KIF13A: variants seen among roughly 807,000 people sequenced by gnomAD.
KIF13A encodes kinesin family member 13A.
In KIF13A, 79 loss-of-function variants were observed where a neutral mutation model predicts 212.2. That is an observed-to-expected ratio of 0.37 (90% confidence interval 0.31 to 0.45). The LOEUF is 0.45. KIF13A is among the 20% of genes least tolerant of loss of function. KIF13A has a pLI of 1.00. For synonymous variants in KIF13A, 789 were observed against 808.6 expected (o/e 0.98, Z 0.41); for missense variants, 1,901 against 2,209.0 (o/e 0.86, Z 2.79).
Position 17,796,685 on chromosome 6 carries a change from T to C in KIF13A, c.2926A>G (p.Arg976Gly). The C allele has an allele frequency of 6.4e-7, 1 of 1,566,728 alleles. No individual in the cohort carries two copies. Among genetic ancestry groups the C allele is most frequent in the Non-Finnish European group, 8.7e-7 (1 of 1,154,494 alleles). ...WEVDSLHAKT[R>G]TLHDRWNEVT... Reference sequence around the variant, plus strand: ...AGTACAAACCTGTCATGCAGTGTTCTTGTCTTAGCATGAAGAGAATCGACC... The same window carrying C: ...AGTACAAACCTGTCATGCAGTGTTCCTGTCTTAGCATGAAGAGAATCGACC... The change falls in exon 23 of 39, where the codon AGA (arginine) becomes GGA (glycine). Residue 976 changes from arginine (R) to glycine (G), a missense_variant. Arg to Gly is a moderately radical substitution (Grantham distance 125, BLOSUM62 -2). Transcript: ENST00000259711.
rs1408343180 is a variant in KIF13A, at chr6:17,982,271, T to G, written c.146+4783A>C. ...CCACCACACTCGGCTAACTTTTGTATTTTTTTAGTGGAGACAGGGTTTCAC... is the reference window on the plus strand; with the variant it reads ...CCACCACACTCGGCTAACTTTTGTAGTTTTTTAGTGGAGACAGGGTTTCAC... On this transcript the variant is annotated intron_variant, in intron 2 of 38. Coordinates refer to ENST00000259711, the MANE Select transcript of KIF13A (RefSeq NM_022113.6). The surrounding 1 kb of genome is among the most constrained non-coding windows in gnomAD (Gnocchi z 5.1). The G allele has an allele frequency of 5.5e-6, 1 of 180,248 alleles. No individual in the cohort carries two copies. Among genetic ancestry groups the G allele is most frequent in the Non-Finnish European group, 1.1e-5 (1 of 94,566 alleles). 11.2% of individuals were successfully genotyped at this position (180,248 alleles called of 1,614,324 possible).
In KIF13A at chr6:17,794,237, T is replaced by C. The variant is rs1389520952; in HGVS notation, c.3222+12A>G. ...GCTTTGTTAAATACTATTTTAAGTC[T>C]GCTTGTCTTACCTGGTAACTGTCCA... On this transcript the variant is annotated intron_variant, in intron 25 of 38. Transcript: ENST00000259711. This position sits in a 1 kb window ranked among gnomAD's most constrained non-coding sequence, Gnocchi z 4.1. The C allele has an allele frequency of 1.2e-6, 2 of 1,603,510 alleles. No individual in the cohort carries two copies. Among genetic ancestry groups the C allele is most frequent in the Non-Finnish European group, 8.5e-7 (1 of 1,171,962 alleles).
rs1774877592 is a variant in KIF13A at position 17,919,711 on chromosome 6, G to A, written c.147-21531C>T. 1.3e-5 allele frequency among the ~76,000 whole-genome samples: 2 copies of A among 152,166 alleles called. No homozygotes were observed. The highest frequency in any genetic ancestry group is 2.9e-5 in the Non-Finnish European group (2 of 68,028). ...CTAACAAGCAGGGCTGTGAGACAGGGTGGCAGCCGAACGGTGTCTCCTGGC... is the reference window on the plus strand; with the variant it reads ...CTAACAAGCAGGGCTGTGAGACAGGATGGCAGCCGAACGGTGTCTCCTGGC... On this transcript the variant is annotated intron_variant, in intron 2 of 38. Transcript: ENST00000259711. The surrounding 1 kb of genome is among the most constrained non-coding windows in gnomAD (Gnocchi z 4.1).
rs1284241187 is a variant in KIF13A at position 17,839,820 on chromosome 6, A to C, written c.831-2237T>G. 6.6e-6 allele frequency among the ~76,000 whole-genome samples: 1 copy of C among 152,128 alleles called. No homozygotes were observed. Among genetic ancestry groups the C allele is most frequent in the Non-Finnish European group, 1.5e-5 (1 of 68,010 alleles). ...CGAGGATTGATGGCCCTACAGAAAC[A>C]AGGGGAGAGGCATGGAACAGATTCT... is the stretch of plus-strand genomic sequence containing the variant. On this transcript the variant is annotated intron_variant, in intron 9 of 38. Coordinates refer to ENST00000259711, the MANE Select transcript of KIF13A (RefSeq NM_022113.6). This position sits in a 1 kb window ranked among gnomAD's most constrained non-coding sequence, Gnocchi z 4.3.
chr6:17,765,987 A>T (rs1312506739), intron 38 of KIF13A, among the ~76,000 whole-genome samples: 7 of 152,220 alleles, frequency 4.6e-5, no homozygotes, highest in Non-Finnish European at 1.0e-4. Context: ...TCAGAGAATT[A>T]CAACTTTGCG....
At chr6:17,935,449 C>A (rs1015859903) in intron 2 of KIF13A, among the ~76,000 whole-genome samples, 1 of 152,128 alleles carries the variant, frequency 6.6e-6, no homozygotes, top group African/African-American at 2.4e-5. Flanking sequence ...ACACATCCTG[C>A]GCTCTCTTGT....
Position 17,951,898 on chromosome 6 carries a change from G to T in KIF13A, c.146+35156C>A, listed in dbSNP as rs1456589910. On this transcript the variant is annotated intron_variant, in intron 2 of 38. Coordinates refer to ENST00000259711, the MANE Select transcript of KIF13A (RefSeq NM_022113.6). The surrounding 1 kb of genome is among the most constrained non-coding windows in gnomAD (Gnocchi z 4.9). ...ATTACAAAAATCTTTTTTCTTAAAA[G>T]AATTTTTTGTAGCCTTCCAAAAAAT... 1.3e-5 allele frequency among the ~76,000 whole-genome samples: 2 copies of T among 152,068 alleles called. No individual in the cohort carries two copies. The highest frequency in any genetic ancestry group is 2.9e-5 in the Non-Finnish European group (2 of 67,990).
rs1772721364 is a variant in KIF13A, at chr6:17,898,047, T to C, written c.159+121A>G. On this transcript the variant is annotated intron_variant, in intron 3 of 38. Coordinates refer to ENST00000259711, the MANE Select transcript of KIF13A (RefSeq NM_022113.6). The surrounding 1 kb of genome is among the most constrained non-coding windows in gnomAD (Gnocchi z 5.2). ...TATTAATTGTTCATGATGTGAGTTT[T>C]AAATTAGGATGCTGTTTTCAGTTCT... 5 of 867,084 alleles carry C rather than the reference T, an allele frequency of 5.8e-6. No homozygotes were observed. The Admixed American group carries it at 8.1e-5, about 14-fold the overall frequency. The allele number at this position is 867,084 out of a possible 1,614,324, so 53.7% of individuals were successfully genotyped here. A position where few individuals can be genotyped will look rare whatever the true frequency, so the allele number is the denominator to read the frequency against.
intron 16 of KIF13A, among the ~76,000 whole-genome samples, chr6:17,818,507 T>C (rs560963611): frequency 6.6e-5 from 10 of 152,292 alleles, no homozygotes; most frequent in Non-Finnish European, 1.3e-4. Flanking sequence ...AAGAATCAAT[T>C]TTTTTAAAAT....
chr6:17,927,946 C>T (rs756824681), intron 2 of KIF13A, among the ~76,000 whole-genome samples: 1 of 152,274 alleles, frequency 6.6e-6, no homozygotes, highest in Non-Finnish European at 1.5e-5. Context: ...ACCCTGACCA[C>T]TCACAGTCAT....
At chr6:17,851,587 C>T (rs1055398251) in intron 7 of KIF13A, among the ~76,000 whole-genome samples, 1 of 152,174 alleles carries the variant, frequency 6.6e-6, no homozygotes, top group African/African-American at 2.4e-5. Flanking sequence ...GAAACCAAGG[C>T]AGGAGACCCT....
intron 17 of KIF13A, chr6:17,812,128 C>T (rs889714277): frequency 1.3e-5 from 2 of 152,158 alleles, no homozygotes; most frequent in Non-Finnish European, 2.9e-5. Flanking sequence ...CTGAAAAACA[C>T]TATGGTTAAA....
chr6:17,981,767 G>A (rs1182914479), intron 2 of KIF13A, among the ~76,000 whole-genome samples: 1 of 151,940 alleles, frequency 6.6e-6, no homozygotes, highest in Non-Finnish European at 1.5e-5. Context: ...CTGTAATATG[G>A]GCAGAGAGAA....
Position 17,764,424 on chromosome 6 carries a change from G to C in KIF13A, c.5104C>G (p.Leu1702Val). 7 of 1,613,990 alleles carry C rather than the reference G, an allele frequency of 4.3e-6. No individual in the cohort carries two copies. The highest frequency in any genetic ancestry group is 5.9e-6 in the Non-Finnish European group (7 of 1,179,882). ...SLCRTGSCSE[L>V]DACPSKISQP... ...CTAATTTTGCTGGGGCAGGCATCTA[G>C]TTCTGAACATGAGCCAGTCCTGCAC... The change falls in exon 39 of 39, where the codon CTA (leucine) becomes GTA (valine). Residue 1702 changes from leucine (L) to valine (V), a missense_variant. Around this residue, in one of 5 missense-constraint regions of KIF13A, gnomAD observed 687 missense variants for 759.1 expected, o/e 0.90. Transcript: ENST00000259711. This position sits in a 1 kb window ranked among gnomAD's most constrained non-coding sequence, Gnocchi z 5.1.
At chr6:17,980,585 T>C (rs894181180) in intron 2 of KIF13A, among the ~76,000 whole-genome samples, 49 of 152,066 alleles carry the variant, frequency 3.2e-4, no homozygotes, top group African/African-American at 1.1e-3. Flanking sequence ...CTGATATGTT[T>C]GAAAGTCTTG....
intron 2 of KIF13A, among the ~76,000 whole-genome samples, chr6:17,976,943 TA>T: frequency 6.7e-6 from 1 of 150,308 alleles, no homozygotes; most frequent in East Asian, 2.0e-4. Context: ...CTACTAAAAA[TA>T]TAAAAAAATT....
chr6:17,814,727 T>C (rs1763774720), intron 17 of KIF13A, among the ~76,000 whole-genome samples: 1 of 152,286 alleles, frequency 6.6e-6, no homozygotes, highest in Non-Finnish European at 1.5e-5. Context: ...ATACTGCTGC[T>C]GGGATGTTAA....
rs1251668583 is a variant in KIF13A, at chr6:17,811,824, T to C, written c.2001-2894A>G. ...TTTCTTCCTTCCTTCCTTCCTTCTCTCCCTCCCTTTTTCTTTCTTTCCTTC... is the reference window on the plus strand; with the variant it reads ...TTTCTTCCTTCCTTCCTTCCTTCTCCCCCTCCCTTTTTCTTTCTTTCCTTC... On this transcript the variant is annotated intron_variant, in intron 17 of 38. Transcript: ENST00000259711. The surrounding 1 kb of genome is among the most constrained non-coding windows in gnomAD (Gnocchi z 6.0). 6.6e-6 allele frequency among the ~76,000 whole-genome samples: 1 copy of C among 151,746 alleles called. No individual in the cohort carries two copies. The highest frequency in any genetic ancestry group is 6.6e-5 in the Admixed American group (1 of 15,194).
At chr6:17,852,116 G>C (rs1415029451) in intron 6 of KIF13A, 74 bp from the exon 7 acceptor site, 1 of 651,900 alleles carries the variant, frequency 1.5e-6, no homozygotes, top group East Asian at 3.4e-5. Flanking sequence ...TAAGTACACA[G>C]TAACTAAGAT....
Sources: gnomAD v4.1 joint callset for allele counts (sites outside exome capture counted in the v4.1 genomes callset) on GRCh38, gnomAD v4.1.1 for gene constraint, gnomAD v4.1.1 regional missense constraint, Gnocchi (gnomAD v3.1) non-coding constraint, MANE v1.5 for transcripts, NCBI Gene and HGNC (gene_info 2026-07-23, HGNC 2026-07-21) for gene names.